The following ADAM2 variants were observed in gnomAD, a reference collection of about 807,000 sequenced individuals.
ADAM2 encodes the protein ADAM metallopeptidase domain 2.
Under a neutral mutation model 99.3 loss-of-function variants are expected in ADAM2, and 101 were observed. The observed-to-expected ratio is 1.02, with a 90% confidence interval of 0.87 to 1.20. The LOEUF (loss-of-function observed/expected upper bound fraction) is 1.20, where lower values mean the gene tolerates loss of function less well. Among genes scored for constraint, ADAM2 ranks in the 50% most tolerant of loss-of-function variants. The pLI, the probability that ADAM2 is intolerant of heterozygous loss-of-function variation, is 0.00. For synonymous variants in ADAM2, 323 were observed against 287.6 expected, an observed-to-expected ratio of 1.12 and a Z score of -1.25; for missense variants, 948 against 878.7, an observed-to-expected ratio of 1.08 and a Z score of -1.00.
chr8:39,772,048 G>A (rs982506634), intron 11 of ADAM2, among the ~76,000 whole-genome samples: 9 of 150,202 alleles, frequency 6.0e-5, no homozygotes, highest in Non-Finnish European at 1.3e-4. Flanking sequence ...CGCACGTTGT[G>A]CACATGTACC....
chr8:39,834,798 G>T (rs1045411176), intron 2 of ADAM2, among the ~76,000 whole-genome samples: 2 of 149,640 alleles, frequency 1.3e-5, no homozygotes, highest in Non-Finnish European at 1.5e-5. Flanking sequence ...TTAACTAAGG[G>T]TTTTTCATAA....
At chr8:39,787,085 T>A (rs1267209118) in intron 9 of ADAM2, 30 bp from the exon 10 acceptor site, 1 of 1,384,580 alleles carries the variant, frequency 7.2e-7, no homozygotes, top group Admixed American at 2.2e-5. Context: ...CATAATCATA[T>A]AATTTTGTAA....
At chr8:39,824,036 C>G (rs1320331278) in intron 4 of ADAM2, among the ~76,000 whole-genome samples, 1 of 152,094 alleles carries the variant, frequency 6.6e-6, no homozygotes, top group Non-Finnish European at 1.5e-5. Context: ...GTAATCCCAG[C>G]ACTTTGGGAG....
At position 39,837,203 on chromosome 8, in the gene ADAM2, C is replaced by T. The variant is rs372759606; in HGVS notation, c.65G>A (p.Ser22Asn). Residue 22 changes from serine (S) to asparagine (N), a missense_variant, in exon 2 of 21, where the codon AGT (serine) becomes AAT (asparagine). Physicochemically the swap from Ser to Asn is conservative, Grantham distance 46 (BLOSUM62 1). Coordinates refer to ENST00000265708, the MANE Select transcript of ADAM2 (RefSeq NM_001464.5). ...GGLRMDSNFD[S>N]LPVQITVPEK... ...CGGAACTGTAATTTGCACAGGTAAA[C>T]TATCAAAATCTGCAAAATGTGCAAA... is the stretch of plus-strand genomic sequence containing the variant. The T allele has an allele frequency of 1.0e-4, 168 of 1,605,842 alleles. No individual in the cohort carries two copies. Among genetic ancestry groups the T allele is most frequent in the Non-Finnish European group, 1.3e-4 (158 of 1,175,180 alleles).
chr8:39,759,213 T>TA (rs1227281040), intron 15 of ADAM2, among the ~76,000 whole-genome samples: 3 of 152,050 alleles, frequency 2.0e-5, no homozygotes, highest in East Asian at 3.9e-4. Context: ...CATGTACCTT[T>TA]AAAAAAATCC....
Position 39,775,344 on chromosome 8 carries a change from C to T in ADAM2, c.1028+1681G>A, listed in dbSNP as rs190077729. Among the ~76,000 whole-genome samples the T allele has an allele frequency of 1.4e-4, 22 of 152,022 alleles. No homozygotes were observed. The East Asian group carries it at 3.7e-3, about 26-fold the overall frequency. On this transcript the variant is annotated intron_variant, in intron 11 of 20. Coordinates refer to ENST00000265708, the MANE Select transcript of ADAM2 (RefSeq NM_001464.5). Reference sequence around the variant, plus strand: ...GTTGTGCCCATTCTAAATAAATCCACATACTTCTTCCCTACACTTTCTTGT... The same window carrying T: ...GTTGTGCCCATTCTAAATAAATCCATATACTTCTTCCCTACACTTTCTTGT...
At chr8:39,787,694 A>G (rs1431437340) in intron 9 of ADAM2, among the ~76,000 whole-genome samples, 1 of 151,660 alleles carries the variant, frequency 6.6e-6, no homozygotes, top group African/African-American at 2.4e-5. Flanking sequence ...ATATTAAAAC[A>G]TAGTGTTTCA....
chr8:39,787,032 A>T lies in ADAM2; in HGVS notation c.833T>A (p.Val278Asp). The T allele has an allele frequency of 6.3e-7, 1 of 1,591,106 alleles. No individual in the cohort carries two copies. Among genetic ancestry groups the T allele is most frequent in the African/African-American group, 1.3e-5 (1 of 74,390 alleles). Residue 278 changes from valine to aspartate, a missense_variant, in exon 10 of 21, where the codon GTT becomes GAT. Physicochemically the swap from Val to Asp is radical, Grantham distance 152. Coordinates refer to ENST00000265708, the MANE Select transcript of ADAM2 (RefSeq NM_001464.5). ...CATCTTCCCTTGAAAGGTTGCACCA[A>T]CATAATTTGACTTTTCTCTGTAACT... is the stretch of plus-strand genomic sequence containing the variant. ...LLVYREKSNY[V>D]GATFQGKMCD...
chr8:39,824,898 C>G lies in ADAM2; in HGVS notation c.189-1G>C, dbSNP rs972647706. The G allele has an allele frequency of 7.3e-7, 1 of 1,377,144 alleles. No individual in the cohort carries two copies. The highest frequency in any genetic ancestry group is 1.2e-5 in the South Asian group (1 of 81,448). 85.3% of individuals were successfully genotyped at this position (1,377,144 alleles called of 1,614,324 possible). A position where few individuals can be genotyped will look rare whatever the true frequency, so the allele number is the denominator to read the frequency against. On this transcript the variant is annotated splice_acceptor_variant, in intron 3 of 20. Coordinates refer to ENST00000265708, the MANE Select transcript of ADAM2 (RefSeq NM_001464.5). LOFTEE classifies it high-confidence loss of function. ...TCTAAAATTATGGGGTAAAAAGTTT[C>G]TGTAACATAAAGATAAAATGGAAAA...
intron 12 of ADAM2, among the ~76,000 whole-genome samples, chr8:39,768,562 C>A (rs765235592): frequency 2.6e-5 from 4 of 152,134 alleles, no homozygotes; most frequent in African/African-American, 4.8e-5. Flanking sequence ...TAAATATCGA[C>A]CTGGATTAAA....
chr8:39,825,371 CTATT>C (rs1432865372), intron 3 of ADAM2, among the ~76,000 whole-genome samples: 2 of 152,088 alleles, frequency 1.3e-5, no homozygotes, highest in African/African-American at 4.8e-5. Context: ...TCTTTCTACT[CTATT>C]TATTTATTAT....
At chr8:39,754,160 C>A (rs1802062039) in intron 16 of ADAM2, among the ~76,000 whole-genome samples, 1 of 152,196 alleles carries the variant, frequency 6.6e-6, no homozygotes, top group Non-Finnish European at 1.5e-5. Flanking sequence ...TGGGACATCA[C>A]TTTTGTCATG....
chr8:39,784,453 T>G (rs1803370864), intron 10 of ADAM2, among the ~76,000 whole-genome samples: 1 of 152,146 alleles, frequency 6.6e-6, no homozygotes, highest in Admixed American at 6.5e-5. Flanking sequence ...CAGTCCTGGC[T>G]CCCTGTAGCC....
At chr8:39,791,099 T>G (rs914338417) in intron 7 of ADAM2, among the ~76,000 whole-genome samples, 1 of 151,766 alleles carries the variant, frequency 6.6e-6, no homozygotes, top group African/African-American at 2.4e-5. Flanking sequence ...TGGGGTGACT[T>G]ATGCTAAAGT....
At chr8:39,809,920 T>G (rs562629645) in intron 6 of ADAM2, among the ~76,000 whole-genome samples, 2 of 152,266 alleles carry the variant, frequency 1.3e-5, no homozygotes, top group East Asian at 3.9e-4. Context: ...AGGATCAAAT[T>G]CACACATAAC....
chr8:39,792,076 C>T (rs1482668296), intron 7 of ADAM2, among the ~76,000 whole-genome samples: 3 of 151,792 alleles, frequency 2.0e-5, no homozygotes, highest in Non-Finnish European at 4.4e-5. Flanking sequence ...TGTAGCACTA[C>T]CATCTTGGGC....
At chr8:39,784,237 T>G (rs1383198435) in intron 10 of ADAM2, among the ~76,000 whole-genome samples, 1 of 152,196 alleles carries the variant, frequency 6.6e-6, no homozygotes, top group Non-Finnish European at 1.5e-5. Context: ...AAAATAACTG[T>G]GGAGAATAAG....
At chr8:39,763,746 C>T (rs1256022096) in intron 14 of ADAM2, among the ~76,000 whole-genome samples, 1 of 152,238 alleles carries the variant, frequency 6.6e-6, no homozygotes, top group East Asian at 1.9e-4. Flanking sequence ...TCCCTTTGGA[C>T]TTGCTCTCAA....
chr8:39,787,971 G>C, intron 9 of ADAM2, 114 bp downstream of exon 9: 1 of 583,352 alleles, frequency 1.7e-6, no homozygotes, highest in Non-Finnish European at 2.7e-6. Context: ...TTTACATGGC[G>C]TGTGTGAGAA....
Sources: allele counts gnomAD v4.1 joint callset (sites outside exome capture counted in the v4.1 genomes callset), GRCh38; gene constraint gnomAD v4.1.1; transcripts MANE v1.5; gene names NCBI Gene and HGNC (gene_info 2026-07-23, HGNC 2026-07-21).